ROBO2: variants seen among roughly 807,000 people sequenced by gnomAD.
ROBO2 encodes the protein roundabout guidance receptor 2.
Under a neutral mutation model 160.8 loss-of-function variants are expected in ROBO2, and 53 were observed. The observed-to-expected ratio is 0.33, with a 90% CI of 0.26 to 0.41. The LOEUF is 0.41. ROBO2 is among the 10% of genes least tolerant of loss of function. ROBO2 has a pLI of 1.00. For missense variants in ROBO2, 1,577 were observed against 1,722.4 expected, an observed-to-expected ratio of 0.92 and a Z score of 1.49; for synonymous variants, 664 against 611.7, an observed-to-expected ratio of 1.09 and a Z score of -1.26.
intron 2 of ROBO2, among the ~76,000 whole-genome samples, chr3:76,102,619 A>G (rs776087400): frequency 1.7e-4 from 26 of 152,214 alleles, no homozygotes; most frequent in Non-Finnish European, 2.8e-4. Context: ...ATACAGATTG[A>G]AAAGTGTGCA....
intron 2 of ROBO2, among the ~76,000 whole-genome samples, chr3:76,255,452 G>C (rs1167676010): frequency 2.6e-5 from 4 of 151,982 alleles, no homozygotes; most frequent in African/African-American, 9.7e-5. Flanking sequence ...TTTTCGCCAA[G>C]AGCCTCTTGG....
chr3:77,220,463 A>G (rs62253268), intron 2 of ROBO2, among the ~76,000 whole-genome samples: 6 of 152,166 alleles, frequency 3.9e-5, no homozygotes, highest in Non-Finnish European at 8.8e-5. Flanking sequence ...AATGCTTTAC[A>G]TATATTAAAA....
intron 2 of ROBO2, among the ~76,000 whole-genome samples, chr3:76,244,140 A>G (rs1705473513): frequency 6.6e-6 from 1 of 152,218 alleles, no homozygotes. Flanking sequence ...TATTTTAGGA[A>G]CAAGGCAACT....
intron 2 of ROBO2, among the ~76,000 whole-genome samples, chr3:77,146,889 C>T (rs1355319828): frequency 2.0e-5 from 3 of 152,128 alleles, no homozygotes; most frequent in Admixed American, 2.0e-4. Flanking sequence ...ATCACTTGAA[C>T]CCAGGAGGCG....
chr3:76,990,512 G>A (rs2060604996), intron 2 of ROBO2, among the ~76,000 whole-genome samples: 1 of 152,054 alleles, frequency 6.6e-6, no homozygotes, highest in South Asian at 2.1e-4. Context: ...TCACATTACT[G>A]AATAACAGCC....
At chr3:76,010,502 T>A (rs1395286290) in intron 2 of ROBO2, among the ~76,000 whole-genome samples, 1 of 152,228 alleles carries the variant, frequency 6.6e-6, no homozygotes, top group Non-Finnish European at 1.5e-5. Flanking sequence ...ACAGCCTAAT[T>A]TCCCCAGAGT....
chr3:76,250,917 C>T (rs1705952071), intron 2 of ROBO2, among the ~76,000 whole-genome samples: 1 of 151,964 alleles, frequency 6.6e-6, no homozygotes, highest in Non-Finnish European at 1.5e-5. Flanking sequence ...TAAGCAACAA[C>T]TTTTATTCTT....
At chr3:77,057,544 A>C (rs1467061756) in intron 1 of ROBO2, among the ~76,000 whole-genome samples, 1 of 148,656 alleles carries the variant, frequency 6.7e-6, no homozygotes, top group African/African-American at 2.5e-5. Flanking sequence ...CTAATGTGGA[A>C]GCTATACCTT....
In ROBO2 at chr3:76,500,773, G is replaced by A. The variant is rs530966385; in HGVS notation, c.109+563171G>A. Among the ~76,000 whole-genome samples the A allele has an allele frequency of 2.6e-5, 4 of 152,302 alleles. No individual in the cohort carries two copies. In the South Asian group the frequency reaches 6.2e-4, roughly 24 times the overall value. On this transcript the variant is annotated intron_variant, in intron 2 of 26. Transcript: ENST00000487694. The stretch of plus-strand genomic sequence containing the variant: ...TGGAAGTTGGATATCTTTGCATGGT[G>A]ATTTCGCGGTTCAAAATTTTCTGAG...
chr3:77,485,526 C>T (rs78517496), intron 4 of ROBO2, among the ~76,000 whole-genome samples: 2,690 of 152,152 alleles, frequency 0.018, 75 homozygotes, highest in African/African-American at 0.059. Flanking sequence ...TGACACTCTT[C>T]TCTTTTCTGT....
intron 2 of ROBO2, among the ~76,000 whole-genome samples, chr3:76,375,959 T>C (rs908132362): frequency 6.6e-6 from 1 of 152,076 alleles, no homozygotes; most frequent in Non-Finnish European, 1.5e-5. Flanking sequence ...ATGCCCTTCA[T>C]AGGTACTTGG....
intron 2 of ROBO2, among the ~76,000 whole-genome samples, chr3:76,819,944 C>G (rs1025435520): frequency 8.6e-5 from 13 of 152,044 alleles, no homozygotes; most frequent in Non-Finnish European, 2.9e-5. Context: ...AAGTCAATCT[C>G]TATTCTGTCT....
chr3:76,746,410 C>G (rs373215892), intron 2 of ROBO2, among the ~76,000 whole-genome samples: 4 of 152,202 alleles, frequency 2.6e-5, no homozygotes, highest in South Asian at 2.1e-4. Flanking sequence ...AATCTCCACA[C>G]TGACTTCCAC....
At chr3:76,322,837 A>G (rs1259439829) in intron 2 of ROBO2, among the ~76,000 whole-genome samples, 1 of 152,136 alleles carries the variant, frequency 6.6e-6, no homozygotes, top group Non-Finnish European at 1.5e-5. Context: ...TATCTTGCAG[A>G]TACATTTAAA....
chr3:76,343,421 A>C (rs925680981), intron 2 of ROBO2, among the ~76,000 whole-genome samples: 2 of 152,042 alleles, frequency 1.3e-5, no homozygotes, highest in South Asian at 4.2e-4. Flanking sequence ...ACAGGTGTCT[A>C]TCTGCATAAG....
chr3:76,264,902 C>T (rs185832781), intron 2 of ROBO2, among the ~76,000 whole-genome samples: 378 of 152,270 alleles, frequency 2.5e-3, no homozygotes, highest in Non-Finnish European at 4.2e-3. Context: ...ACTTGCCTTA[C>T]AAAATGATAC....
intron 2 of ROBO2, among the ~76,000 whole-genome samples, chr3:76,782,088 G>C (rs1170172094): frequency 6.6e-6 from 1 of 150,406 alleles, no homozygotes; most frequent in Admixed American, 6.6e-5. Context: ...ATTAAGTCTT[G>C]GTAGATTGTA....
intron 2 of ROBO2, among the ~76,000 whole-genome samples, chr3:76,579,632 A>G (rs1465033660): frequency 2.4e-4 from 37 of 152,014 alleles, no homozygotes; most frequent in Non-Finnish European, 2.9e-5. Context: ...GTCTTGGTTC[A>G]TATGTTTGAG....
At chr3:76,474,741 G>T (rs1398742579) in intron 2 of ROBO2, among the ~76,000 whole-genome samples, 1 of 152,128 alleles carries the variant, frequency 6.6e-6, no homozygotes, top group Middle Eastern at 3.4e-3. Flanking sequence ...TCTGGAATCC[G>T]CTGGAGATCA....
Sources: gnomAD v4.1 joint callset for allele counts (sites outside exome capture counted in the v4.1 genomes callset) on GRCh38, gnomAD v4.1.1 for gene constraint, MANE v1.5 for transcripts, NCBI Gene and HGNC (gene_info 2026-07-23, HGNC 2026-07-21) for gene names.